Variants in AP3S2 observed in about 807,000 individuals in gnomAD.
AP3S2 encodes the protein AP-3 complex subunit sigma-2.
In AP3S2, 22 loss-of-function variants were observed where a neutral mutation model predicts 23.4. The ratio of observed to expected loss-of-function variants is 0.94; its 90% CI spans 0.67 to 1.34. The LOEUF is 1.34. Among genes scored for constraint, AP3S2 ranks in the 40% most tolerant of loss-of-function variants. The probability of loss-of-function intolerance (pLI) is 0.00; values close to 1 mark genes in which losing one functional copy is unlikely to be tolerated. For missense variants in AP3S2, 241 were observed against 236.9 expected, an observed-to-expected ratio of 1.02 and a Z score of -0.11; for synonymous variants, 86 against 87.1, an observed-to-expected ratio of 0.99 and a Z score of 0.07.
chr15:89,882,252 T>C (rs1400054759), intron 3 of AP3S2, among the ~76,000 whole-genome samples: 3 of 152,130 alleles, frequency 2.0e-5, no homozygotes, highest in Admixed American at 6.6e-5. Flanking sequence ...AGTAGTTTTA[T>C]TCATATTAAT....
rs369665198 is a variant in AP3S2 at position 89,876,586 on chromosome 15, AAAG to A, written c.274-5043_274-5041del. The A allele has an allele frequency of 3.1e-3, 468 of 152,678 alleles. 5 individuals carry two copies. Among genetic ancestry groups the A allele is most frequent in the Middle Eastern group, 0.016 (5 of 322 alleles). The allele number at this position is 152,678 out of a possible 1,614,324, so 9.5% of individuals were successfully genotyped here. On this transcript the variant is annotated intron_variant, in intron 3 of 5. Coordinates refer to ENST00000336418, the MANE Select transcript of AP3S2 (RefSeq NM_005829.5). Reference sequence around the variant, plus strand: ...GTACAGGAAGCAGAAGACAAGAGAGAAAGAAGAGCATTGAGAAACTAAGATTTA... The same window carrying A: ...GTACAGGAAGCAGAAGACAAGAGAGAAAGAGCATTGAGAAACTAAGATTTA...
intron 4 of AP3S2, among the ~76,000 whole-genome samples, chr15:89,869,583 A>AG (rs944544570): frequency 2.2e-4 from 32 of 148,588 alleles, no homozygotes; most frequent in East Asian, 1.9e-3. Flanking sequence ...AAAAAAAAAA[A>AG]AAAGAAAACT....
chr15:89,867,894 G>A (rs567517519), intron 4 of AP3S2, among the ~76,000 whole-genome samples: 72 of 130,878 alleles, frequency 5.5e-4, no homozygotes, highest in Admixed American at 3.7e-3. Context: ...GGCTCCGCCC[G>A]GCAGCCACCC....
chr15:89,859,512 C>A (rs150306464), intron 4 of AP3S2, among the ~76,000 whole-genome samples: 1 of 149,294 alleles, frequency 6.7e-6, no homozygotes, highest in African/African-American at 2.5e-5. Flanking sequence ...TCCTGCCTCA[C>A]GTCTCCCGTG....
In AP3S2 at chr15:89,856,546, C is replaced by A. The variant is rs573847276; in HGVS notation, c.345+14929G>T. On this transcript the variant is annotated intron_variant, in intron 4 of 5. Transcript: ENST00000336418. ...CAACCCCGTCTCTACTAAAAAAATA[C>A]AAAAAATTAGCCAGGCATGGTGGTG... 2.6e-5 allele frequency among the ~76,000 whole-genome samples: 4 copies of A among 151,936 alleles called. No individual in the cohort carries two copies. In the South Asian group the frequency reaches 8.3e-4, roughly 32 times the overall value.
At chr15:89,860,214 A>T (rs1479122665) in intron 4 of AP3S2, among the ~76,000 whole-genome samples, 1 of 152,222 alleles carries the variant, frequency 6.6e-6, no homozygotes, top group African/African-American at 2.4e-5. Flanking sequence ...CCCCCAGTGG[A>T]TGCGTTATTT....
rs1896878111 is a variant in AP3S2, at chr15:89,893,882, A to G, written c.68T>C (p.Phe23Ser). Residue 23 changes from phenylalanine (F) to serine (S), a missense_variant and splice_region_variant, in exon 1 of 6, where the codon TTC becomes TCC. Phe to Ser is a radical substitution (Grantham distance 155). Coordinates refer to ENST00000336418, the MANE Select transcript of AP3S2 (RefSeq NM_005829.5). ...GTGGTGAAGCCGGGCCGCACTCACG[A>G]AACGCTGGTAGAAGCGGACTAGCCG... ...KPRLVRFYQR[F>S]PEEIQQQIVR... The G allele has an allele frequency of 2.6e-6, 4 of 1,551,598 alleles. No homozygotes were observed. The highest frequency in any genetic ancestry group is 3.5e-6 in the Non-Finnish European group (4 of 1,146,990).
intron 3 of AP3S2, among the ~76,000 whole-genome samples, chr15:89,876,093 GAGA>G (rs1478273694): frequency 6.6e-6 from 1 of 152,176 alleles, no homozygotes; most frequent in Non-Finnish European, 1.5e-5. Flanking sequence ...CAGAAGCAGA[GAGA>G]AGAACGATCA....
chr15:89,867,987 TG>T (rs1203125275), intron 4 of AP3S2, among the ~76,000 whole-genome samples: 3 of 128,700 alleles, frequency 2.3e-5, no homozygotes, highest in South Asian at 2.6e-4. Flanking sequence ...GGGAGGGAGG[TG>T]GGGGGGTCAG....
chr15:89,859,555 TG>T (rs1490491561), intron 4 of AP3S2, among the ~76,000 whole-genome samples: 1 of 150,818 alleles, frequency 6.6e-6, no homozygotes, highest in Non-Finnish European at 1.5e-5. Flanking sequence ...CCACCACGCC[TG>T]GGTAATTTTT....
At chr15:89,873,876 C>CTTTTTTT (rs3055916) in intron 3 of AP3S2, among the ~76,000 whole-genome samples, 9 of 76,874 alleles carry the variant, frequency 1.2e-4, no homozygotes, top group Non-Finnish European at 2.1e-4. Context: ...TTCTCTGTGG[C>CTTTTTTT]TTTTTTTTTT....
At chr15:89,875,671 G>A (rs1303439532) in intron 3 of AP3S2, among the ~76,000 whole-genome samples, 1 of 152,220 alleles carries the variant, frequency 6.6e-6, no homozygotes, top group Non-Finnish European at 1.5e-5. Context: ...AAAATGGGCT[G>A]GGCGCAGTGA....
intron 4 of AP3S2, among the ~76,000 whole-genome samples, chr15:89,864,581 G>C (rs982330932): frequency 1.3e-5 from 2 of 150,786 alleles, no homozygotes; most frequent in Admixed American, 1.3e-4. Flanking sequence ...TTTTTTTTGA[G>C]ACGGAGTCTC....
chr15:89,870,383 A>C (rs181566082), intron 4 of AP3S2, among the ~76,000 whole-genome samples: 155 of 152,286 alleles, frequency 1.0e-3, no homozygotes, highest in African/African-American at 3.5e-3. Flanking sequence ...AGGGAGTCCA[A>C]AGTTAAGTAT....
At chr15:89,868,188 C>T (rs1367147452) in intron 4 of AP3S2, among the ~76,000 whole-genome samples, 20 of 62,294 alleles carry the variant, frequency 3.2e-4, no homozygotes, top group Admixed American at 6.7e-4. Context: ...CCCCGCCTGG[C>T]CAGCTGCCCC....
chr15:89,872,146 T>G (rs1896335066), intron 3 of AP3S2, among the ~76,000 whole-genome samples: 1 of 149,520 alleles, frequency 6.7e-6, no homozygotes, highest in African/African-American at 2.5e-5. Flanking sequence ...AGAAAAAAAA[T>G]TACATAAAAG....
At chr15:89,877,328 G>C in intron 3 of AP3S2, 1 of 1,314,094 alleles carries the variant, frequency 7.6e-7, no homozygotes, top group South Asian at 1.2e-5. Context: ...GGAACTTATA[G>C]CCTTCTTGTT....
chr15:89,893,975 A>T lies in AP3S2; in HGVS notation c.-26T>A. 1 of 1,549,942 alleles carries T rather than the reference A, an allele frequency of 6.5e-7. No individual in the cohort carries two copies. Among genetic ancestry groups the T allele is most frequent in the Non-Finnish European group, 8.7e-7 (1 of 1,146,512 alleles). ...CTTTGCCAGCCACGGTTCTCTCAGC[A>T]CCGGCTACTCCCAGAAAGCTCCTCC... On this transcript the variant is annotated 5_prime_UTR_variant, in exon 1 of 6. Coordinates refer to ENST00000336418, the MANE Select transcript of AP3S2 (RefSeq NM_005829.5).
At chr15:89,891,959 T>C (rs1342866568) in intron 1 of AP3S2, among the ~76,000 whole-genome samples, 5 of 152,152 alleles carry the variant, frequency 3.3e-5, no homozygotes, top group African/African-American at 4.8e-5. Flanking sequence ...CAGCATTAAT[T>C]AGAAGAGCCA....
Sources: gnomAD v4.1 joint callset for allele counts (sites outside exome capture counted in the v4.1 genomes callset) on GRCh38, gnomAD v4.1.1 for gene constraint, MANE v1.5 for transcripts, NCBI Gene and HGNC (gene_info 2026-07-23, HGNC 2026-07-21) for gene names.